The following CYFIP1 variants were observed in gnomAD, a reference collection of about 807,000 sequenced individuals.
The protein encoded by CYFIP1 is cytoplasmic FMR1 interacting protein 1, also known as cytoplasmic FMR1-interacting protein 1.
CYFIP1 carries 58 observed loss-of-function variants against 163.5 expected under a neutral mutation model. The ratio of observed to expected loss-of-function variants is 0.35; its 90% CI spans 0.29 to 0.44. The LOEUF (loss-of-function observed/expected upper bound fraction) is 0.44, where lower values mean the gene tolerates loss of function less well. Ranked by LOEUF, CYFIP1 falls within the 20% of genes least tolerant of loss-of-function variation. The pLI, the probability that CYFIP1 is intolerant of heterozygous loss-of-function variation, is 1.00. For synonymous variants in CYFIP1, 663 were observed against 660.7 expected, an observed-to-expected ratio of 1.00 and a Z score of -0.05; for missense variants, 1,338 against 1,653.8, an observed-to-expected ratio of 0.81 and a Z score of 3.31.
chr15:22,872,784 G>C, intron 30 of CYFIP1, 41 bp downstream of exon 30: 1 of 1,594,358 alleles, frequency 6.3e-7, no homozygotes, highest in East Asian at 2.2e-5. Context: ...GTATGCTTTT[G>C]CAAAAGGTCC....
At chr15:22,945,333 C>T (rs1340750897) in intron 3 of CYFIP1, among the ~76,000 whole-genome samples, 2 of 152,206 alleles carry the variant, frequency 1.3e-5, no homozygotes, top group Admixed American at 6.5e-5. Flanking sequence ...TCCTCACTGG[C>T]TCACAGGGCC....
intron 23 of CYFIP1, among the ~76,000 whole-genome samples, chr15:22,888,819 T>C (rs2059991844): frequency 6.6e-6 from 1 of 151,178 alleles, no homozygotes; most frequent in Non-Finnish European, 1.5e-5. Context: ...AGCAGGTGGA[T>C]CATTTGAGGT....
intron 11 of CYFIP1, among the ~76,000 whole-genome samples, chr15:22,931,967 G>A (rs1423927763): frequency 6.6e-6 from 1 of 152,132 alleles, no homozygotes; most frequent in African/African-American, 2.4e-5. Context: ...GTGTGGCCTA[G>A]GAGCCATCCG....
rs1216998782 is a variant in CYFIP1, at chr15:22,980,363, G to C, written c.-83C>G. On this transcript the variant is annotated 5_prime_UTR_variant, in exon 1 of 31. Transcript: ENST00000617928. ...GCCGAGTGAGTCACTCGGGCTGGCC[G>C]GGAATGCGCCAGGAAACACTCGGCC... The C allele has an allele frequency of 6.6e-6, 1 of 151,766 alleles. No individual in the cohort carries two copies. The highest frequency in any genetic ancestry group is 1.5e-5 in the Non-Finnish European group (1 of 67,864). 9.4% of individuals were successfully genotyped at this position (151,766 alleles called of 1,614,324 possible).
At chr15:22,972,945 G>A (rs2063149035) in intron 1 of CYFIP1, among the ~76,000 whole-genome samples, 1 of 152,088 alleles carries the variant, frequency 6.6e-6, no homozygotes, top group South Asian at 2.1e-4. Context: ...AGACTAGCCT[G>A]GCCAACATGG....
chr15:22,919,432 G>A (rs1021052339), intron 13 of CYFIP1, among the ~76,000 whole-genome samples: 3 of 152,278 alleles, frequency 2.0e-5, no homozygotes. Context: ...AACAATTGAA[G>A]GTCACAAACC....
chr15:22,875,902 A>ATATATATATATATATATATAT (rs2059574250), intron 26 of CYFIP1, among the ~76,000 whole-genome samples: 1 of 150,126 alleles, frequency 6.7e-6, no homozygotes, highest in Non-Finnish European at 1.5e-5. Context: ...ATATATAAAG[A>ATATATATATATATATATATAT]AAATGTACCT....
intron 8 of CYFIP1, among the ~76,000 whole-genome samples, chr15:22,937,810 G>C (rs1409818873): frequency 6.6e-6 from 1 of 151,894 alleles, no homozygotes; most frequent in East Asian, 1.9e-4. Context: ...TCACCATGTT[G>C]GTCAGGCTGG....
chr15:22,975,492 C>A (rs1286364628), intron 1 of CYFIP1, among the ~76,000 whole-genome samples: 2 of 135,720 alleles, frequency 1.5e-5, no homozygotes, highest in Admixed American at 1.4e-4. Flanking sequence ...CGGTGGCTAA[C>A]GCCTGTAATC....
chr15:22,869,870 AG>A lies in CYFIP1; in HGVS notation c.*157del. ...CCAAAAGCATATACAATTTTAGTCT[AG>A]AAAAATAAGTCAATTTTATAAAATT... On this transcript the variant is annotated 3_prime_UTR_variant, in exon 31 of 31. Transcript: ENST00000617928. 1.7e-6 allele frequency: 1 copy of A among 596,364 alleles called. No homozygotes were observed. The highest frequency in any genetic ancestry group is 3.5e-5 in the East Asian group (1 of 28,502). 36.9% of individuals were successfully genotyped at this position (596,364 alleles called of 1,614,324 possible).
At chr15:22,946,808 G>T in intron 3 of CYFIP1, 195 bp downstream of exon 3, 2 of 704,206 alleles carry the variant, frequency 2.8e-6, no homozygotes, top group Admixed American at 4.0e-5. Flanking sequence ...CAGAGACATT[G>T]AATTTTCAGA....
At chr15:22,950,845 T>C (rs1320251164) in intron 1 of CYFIP1, among the ~76,000 whole-genome samples, 2 of 152,172 alleles carry the variant, frequency 1.3e-5, no homozygotes, top group African/African-American at 2.4e-5. Flanking sequence ...TGCATTGCAA[T>C]GCCTGCGCCG....
intron 13 of CYFIP1, among the ~76,000 whole-genome samples, chr15:22,924,888 T>A (rs1220538018): frequency 6.6e-6 from 1 of 152,022 alleles, no homozygotes; most frequent in Non-Finnish European, 1.5e-5. Flanking sequence ...CCCGGGCAAC[T>A]TGGTGACACC....
intron 22 of CYFIP1, among the ~76,000 whole-genome samples, chr15:22,897,373 T>C (rs1156587774): frequency 6.6e-6 from 1 of 151,900 alleles, no homozygotes; most frequent in Admixed American, 6.6e-5. Context: ...GACTTACTTG[T>C]CAATCTGCTG....
chr15:22,928,345 T>A (rs1336478635), intron 11 of CYFIP1, among the ~76,000 whole-genome samples: 3 of 152,006 alleles, frequency 2.0e-5, no homozygotes, highest in African/African-American at 7.2e-5. Flanking sequence ...ACTGCGCCAC[T>A]GCACTCCAGC....
At chr15:22,883,425 T>C (rs1268761221) in intron 23 of CYFIP1, among the ~76,000 whole-genome samples, 1 of 152,096 alleles carries the variant, frequency 6.6e-6, no homozygotes, top group East Asian at 1.9e-4. Context: ...GAGAGACCCC[T>C]GTGGAGTGGG....
rs537726334 is a variant in CYFIP1 at position 22,929,355 on chromosome 15, C to T, written c.1111-1327G>A. On this transcript the variant is annotated intron_variant, in intron 11 of 30. Transcript: ENST00000617928. The stretch of plus-strand genomic sequence containing the variant: ...TGCTCTTTTAAGACTAGATTATGAC[C>T]GGGTGCAATGGCTCATGCCTGTAAT... Among the ~76,000 whole-genome samples the T allele has an allele frequency of 1.7e-4, 26 of 152,054 alleles. 1 individual carries two copies. Among genetic ancestry groups the T allele is most frequent in the African/African-American group, 5.1e-4 (21 of 41,484 alleles).
chr15:22,941,430 T>C (rs1477401217), intron 6 of CYFIP1, among the ~76,000 whole-genome samples: 2 of 152,074 alleles, frequency 1.3e-5, no homozygotes, highest in African/African-American at 2.4e-5. Flanking sequence ...GGGTCAAGGA[T>C]ACTGTTTTCT....
intron 25 of CYFIP1, among the ~76,000 whole-genome samples, chr15:22,880,305 A>C (rs1465999201): frequency 6.6e-6 from 1 of 152,224 alleles, no homozygotes; most frequent in Non-Finnish European, 1.5e-5. Flanking sequence ...AGGGAAGGCT[A>C]TGATGATAGG....
Sources: allele counts gnomAD v4.1 joint callset (sites outside exome capture counted in the v4.1 genomes callset), GRCh38; gene constraint gnomAD v4.1.1; transcripts MANE v1.5; gene names NCBI Gene and HGNC (gene_info 2026-07-23, HGNC 2026-07-21).